The following KIF9 variants were observed in gnomAD, a reference collection of about 807,000 sequenced individuals.
KIF9 encodes the protein kinesin family member 9.
A neutral mutation model predicts 94.8 loss-of-function variants in KIF9; 68 were observed. The ratio of observed to expected loss-of-function variants is 0.72; its 90% CI spans 0.59 to 0.88. The LOEUF (loss-of-function observed/expected upper bound fraction) is 0.88. Among genes scored for constraint, KIF9 ranks in the 40% least tolerant of loss-of-function variants. The pLI is 0.00. For synonymous variants in KIF9, 343 were observed against 362.1 expected (o/e 0.95, Z 0.60); for missense variants, 882 against 982.5 (o/e 0.90, Z 1.37).
chr3:47,261,300 C>T (rs1373131548), intron 9 of KIF9, among the ~76,000 whole-genome samples: 1 of 152,126 alleles, frequency 6.6e-6, no homozygotes, highest in Non-Finnish European at 1.5e-5. Context: ...CTCTGGGGTC[C>T]CCGGGACACT....
intron 10 of KIF9, among the ~76,000 whole-genome samples, chr3:47,252,374 C>G (rs1700325517): frequency 6.6e-6 from 1 of 151,664 alleles, no homozygotes; most frequent in Non-Finnish European, 1.5e-5. Context: ...TAAGAGGACC[C>G]CCTGAGCCCA....
In KIF9 at chr3:47,275,474, A is replaced by T; in HGVS notation, c.110T>A (p.Leu37Ter). The change falls in exon 3 of 21, where the codon TTA becomes TAA. Residue 37 changes from leucine (L) to a stop codon, truncating the protein, a stop_gained. Transcript: ENST00000684063. LOFTEE classifies it high-confidence loss of function. ...AACTCCTCTCCGAATGTCTTTTTTT[A>T]AGTGAATATCAATGCTCTAGGAAAA... is the stretch of plus-strand genomic sequence containing the variant. Reference protein sequence around the residue: ...GDDKRSIDIHLKKDIRRGVVN... With the variant: ...GDDKRSIDIH 1 of 1,608,300 alleles carries T rather than the reference A, an allele frequency of 6.2e-7. No individual in the cohort carries two copies.
At chr3:47,251,500 G>A (rs1700268650) in intron 10 of KIF9, among the ~76,000 whole-genome samples, 1 of 152,158 alleles carries the variant, frequency 6.6e-6, no homozygotes, top group African/African-American at 2.4e-5. Flanking sequence ...GGAGGCAGAG[G>A]TTACAGTGAG....
chr3:47,240,556 A>G (rs1289622241), intron 17 of KIF9, among the ~76,000 whole-genome samples: 1 of 152,156 alleles, frequency 6.6e-6, no homozygotes, highest in African/African-American at 2.4e-5. Context: ...TGGAAGGCCC[A>G]GCACCTAGGT....
At chr3:47,244,562 T>C (rs1301945151) in intron 15 of KIF9, 1 of 557,222 alleles carries the variant, frequency 1.8e-6, no homozygotes, top group Non-Finnish European at 3.2e-6. Flanking sequence ...AATGAAGACA[T>C]TAACTCCCAC....
chr3:47,234,594 G>A (rs1432430689), intron 20 of KIF9, among the ~76,000 whole-genome samples: 1 of 141,528 alleles, frequency 7.1e-6, no homozygotes, highest in Non-Finnish European at 1.5e-5. Context: ...TCGCTTTATT[G>A]CACAGGCTGG....
intron 19 of KIF9, 108 bp downstream of exon 19, chr3:47,235,925 TG>T: frequency 1.2e-6 from 1 of 833,048 alleles, no homozygotes; most frequent in African/African-American, 1.7e-5. Context: ...GTGGAGAGGC[TG>T]GGAGCACCAC....
intron 20 of KIF9, among the ~76,000 whole-genome samples, chr3:47,233,949 G>A (rs917910465): frequency 6.6e-6 from 1 of 151,942 alleles, no homozygotes; most frequent in Non-Finnish European, 1.5e-5. Flanking sequence ...AAATTAGCCG[G>A]GCATGGTAGC....
At chr3:47,241,813 ATG>A in intron 16 of KIF9, among the ~76,000 whole-genome samples, 1 of 145,294 alleles carries the variant, frequency 6.9e-6, no homozygotes, top group Admixed American at 7.0e-5. Context: ...ATATGTATAT[ATG>A]TATATATATA....
At chr3:47,257,331 C>T (rs1700684448) in intron 10 of KIF9, 152 bp downstream of exon 10, 1 of 685,538 alleles carries the variant, frequency 1.5e-6, no homozygotes, top group South Asian at 1.8e-5. Context: ...ACTCTGAAGA[C>T]TCTGGCCAGT....
chr3:47,247,023 G>A (rs748426135), intron 12 of KIF9, among the ~76,000 whole-genome samples: 21 of 152,136 alleles, frequency 1.4e-4, no homozygotes, highest in Non-Finnish European at 2.1e-4. Context: ...TTCATTCTGC[G>A]GACACAGTCA....
chr3:47,251,532 C>T (rs560450421), intron 10 of KIF9, among the ~76,000 whole-genome samples: 2 of 152,290 alleles, frequency 1.3e-5, no homozygotes, highest in South Asian at 4.1e-4. Flanking sequence ...CCACTGCACT[C>T]CAGCCTGGGC....
At chr3:47,245,945 G>A in intron 13 of KIF9, 2 of 512,844 alleles carry the variant, frequency 3.9e-6, no homozygotes, top group East Asian at 3.2e-5. Context: ...AGTGTGTGTT[G>A]CAATATTCAC....
In KIF9 at chr3:47,275,473, T is replaced by C. The variant is rs1701905186; in HGVS notation, c.111A>G (p.Leu37=). 15 of 1,608,480 alleles carry C rather than the reference T, an allele frequency of 9.3e-6. No individual in the cohort carries two copies. The highest frequency in any genetic ancestry group is 1.3e-5 in the Non-Finnish European group (15 of 1,177,986). ...CAACTCCTCTCCGAATGTCTTTTTT[T>C]AAGTGAATATCAATGCTCTAGGAAA... ...GDDKRSIDIH[L]KKDIRRGVVN... Residue 37 remains leucine (L), a synonymous_variant, in exon 3 of 21, where the codon TTA becomes TTG. Coordinates refer to ENST00000684063, the MANE Select transcript of KIF9 (RefSeq NM_182902.4).
At position 47,240,941 on chromosome 3, in the gene KIF9, A is replaced by G; in HGVS notation, c.1784T>C (p.Ile595Thr). The G allele has an allele frequency of 6.2e-7, 1 of 1,614,118 alleles. No homozygotes were observed. Among genetic ancestry groups the G allele is most frequent in the Non-Finnish European group, 8.5e-7 (1 of 1,180,028 alleles). Residue 595 changes from isoleucine to threonine, a missense_variant, in exon 17 of 21, where the codon ATT (isoleucine) becomes ACT (threonine). Physicochemically the swap from Ile to Thr is moderately conservative, Grantham distance 89. Coordinates refer to ENST00000684063, the MANE Select transcript of KIF9 (RefSeq NM_182902.4). ...KNEQGSEINR[I>T]FKENKSILNE... ...CAAGATGGATTTGTTTTCTTTGAAA[A>G]TTCGGTTGATCTCACTACCTTGCTC...
Position 47,271,366 on chromosome 3 carries a change from G to T in KIF9, c.462C>A (p.Ser154=), listed in dbSNP as rs969348872. ...IYNESLFDLL[S]TLPYVGPSVT... is the part of the protein sequence containing the mutation. ...CTGAGGGTCCAACATAGGGCAGAGT[G>T]GACAGGAGATCAAACAGGCTCTCAT... The change falls in exon 5 of 21, where the codon TCC becomes TCA. Residue 154 remains serine (S), a synonymous_variant. Transcript: ENST00000684063. 5 of 1,613,770 alleles carry T rather than the reference G, an allele frequency of 3.1e-6. No individual in the cohort carries two copies. Among genetic ancestry groups the T allele is most frequent in the Non-Finnish European group, 4.2e-6 (5 of 1,179,900 alleles).
chr3:47,273,477 T>C (rs1336426372), intron 4 of KIF9, 75 bp downstream of exon 4: 1 of 1,145,628 alleles, frequency 8.7e-7, no homozygotes, highest in Non-Finnish European at 1.3e-6. Flanking sequence ...CTCTAGTAGC[T>C]GGCCCAGGGT....
At chr3:47,268,229 C>A (rs1283938066) in intron 5 of KIF9, among the ~76,000 whole-genome samples, 1 of 151,938 alleles carries the variant, frequency 6.6e-6, no homozygotes, top group African/African-American at 2.4e-5. Context: ...CAGGAGGAGG[C>A]CTTATGACCA....
rs564774740 is a variant in KIF9 at position 47,261,590 on chromosome 3, G to A, written c.981+2696C>T. ...TGAGGAAGCAGTCTAGGAGTGGCTG[G>A]CCCCTAAGTGGGCCAGAGGAAAGAC... On this transcript the variant is annotated intron_variant, in intron 9 of 20. Coordinates refer to ENST00000684063, the MANE Select transcript of KIF9 (RefSeq NM_182902.4). 5.9e-5 allele frequency among the ~76,000 whole-genome samples: 9 copies of A among 152,268 alleles called. No individual in the cohort carries two copies. In the South Asian group the frequency reaches 1.9e-3, roughly 32 times the overall value.
Sources: allele counts gnomAD v4.1 joint callset (sites outside exome capture counted in the v4.1 genomes callset), GRCh38; gene constraint gnomAD v4.1.1; transcripts MANE v1.5; gene names NCBI Gene and HGNC (gene_info 2026-07-23, HGNC 2026-07-21).